L3MBTL4: variants seen among roughly 807,000 people sequenced by gnomAD.
L3MBTL4 encodes lethal(3)malignant brain tumor-like protein 4.
Under a neutral mutation model 84.5 loss-of-function variants are expected in L3MBTL4, and 70 were observed. That is an observed-to-expected ratio of 0.83 (90% CI 0.68 to 1.01). The LOEUF is 1.01. Ranked by LOEUF, L3MBTL4 falls within the 50% of genes least tolerant of loss-of-function variation. L3MBTL4 has a pLI of 0.00. For missense variants in L3MBTL4, 715 were observed against 754.8 expected, an observed-to-expected ratio of 0.95 and a Z score of 0.62; for synonymous variants, 274 against 259.8, an observed-to-expected ratio of 1.05 and a Z score of -0.52.
chr18:5,972,551 G>A (rs2052689208), intron 16 of L3MBTL4, among the ~76,000 whole-genome samples: 1 of 152,168 alleles, frequency 6.6e-6, no homozygotes, highest in Non-Finnish European at 1.5e-5. Context: ...GATTGAGAAA[G>A]GGAAGCGGCC....
At chr18:5,964,006 G>C (rs1804369942) in intron 17 of L3MBTL4, among the ~76,000 whole-genome samples, 1 of 152,214 alleles carries the variant, frequency 6.6e-6, no homozygotes, top group Admixed American at 6.5e-5. Context: ...CCAGTGGGTG[G>C]CCTGGGCCTT....
chr18:6,276,252 G>T (rs2049072990), intron 4 of L3MBTL4, among the ~76,000 whole-genome samples: 1 of 152,130 alleles, frequency 6.6e-6, no homozygotes, highest in Non-Finnish European at 1.5e-5. Flanking sequence ...AAATGAAGCT[G>T]TGCCTGGACC....
chr18:6,370,105 G>A (rs909864443), intron 1 of L3MBTL4, among the ~76,000 whole-genome samples: 3 of 140,884 alleles, frequency 2.1e-5, no homozygotes, highest in African/African-American at 8.1e-5. Flanking sequence ...CTGCACTCCA[G>A]CCTGTGTGAC....
At chr18:6,355,344 A>T (rs958786047) in intron 1 of L3MBTL4, among the ~76,000 whole-genome samples, 10 of 152,188 alleles carry the variant, frequency 6.6e-5, no homozygotes, top group South Asian at 6.2e-4. Flanking sequence ...AAATAAAAAA[A>T]TTTTTAAGAT....
At position 6,022,553 on chromosome 18, in the gene L3MBTL4, T is replaced by A. The variant is rs186317613; in HGVS notation, c.1445-52991A>T. On this transcript the variant is annotated intron_variant, in intron 16 of 18. Transcript: ENST00000317931. The stretch of plus-strand genomic sequence containing the variant: ...CTCTAATTTAGCACTGCTCAAAAGG[T>A]CTTTAAAAATGAGTCTTACAGTAGC... Among the ~76,000 whole-genome samples the A allele has an allele frequency of 5.3e-5, 8 of 152,318 alleles. No homozygotes were observed. In the East Asian group the frequency reaches 1.3e-3, roughly 26 times the overall value.
intron 12 of L3MBTL4, among the ~76,000 whole-genome samples, chr18:6,180,904 G>A (rs1055461257): frequency 1.3e-5 from 2 of 152,198 alleles, no homozygotes; most frequent in Non-Finnish European, 2.9e-5. Flanking sequence ...CTGATGAATG[G>A]GTATGTGGTA....
chr18:5,965,356 G>A (rs1406800314), intron 17 of L3MBTL4, among the ~76,000 whole-genome samples: 1 of 152,230 alleles, frequency 6.6e-6, no homozygotes, highest in African/African-American at 2.4e-5. Context: ...CAGGAAGGCA[G>A]ATAAAGAGGC....
intron 16 of L3MBTL4, among the ~76,000 whole-genome samples, chr18:6,054,071 T>C (rs2056928788): frequency 6.6e-6 from 1 of 152,188 alleles, no homozygotes; most frequent in Non-Finnish European, 1.5e-5. Flanking sequence ...ATAGAGGCTC[T>C]CAATGCTTTT....
chr18:6,357,673 CTT>C (rs759209745), intron 1 of L3MBTL4, among the ~76,000 whole-genome samples: 34 of 151,920 alleles, frequency 2.2e-4, no homozygotes, highest in Non-Finnish European at 3.8e-4. Flanking sequence ...ACCATCAAGA[CTT>C]TTGAAAAAAA....
At chr18:6,411,897 T>C (rs1330455209) in intron 1 of L3MBTL4, among the ~76,000 whole-genome samples, 1 of 152,204 alleles carries the variant, frequency 6.6e-6, no homozygotes, top group Non-Finnish European at 1.5e-5. Context: ...CGCAAAATCA[T>C]TTTGCTTTTA....
chr18:6,344,728 A>C (rs1241894881), intron 1 of L3MBTL4, among the ~76,000 whole-genome samples: 1 of 149,420 alleles, frequency 6.7e-6, no homozygotes, highest in Admixed American at 6.6e-5. Flanking sequence ...ATGGTTCAAC[A>C]TATCAAAATC....
chr18:6,385,703 T>A (rs1011019204), intron 1 of L3MBTL4, among the ~76,000 whole-genome samples: 7 of 152,228 alleles, frequency 4.6e-5, no homozygotes, highest in South Asian at 2.1e-4. Context: ...TAATTCTTTA[T>A]CCTCTTGAAG....
chr18:6,166,419 T>C (rs1377126257), intron 13 of L3MBTL4, among the ~76,000 whole-genome samples: 1 of 152,124 alleles, frequency 6.6e-6, no homozygotes, highest in Non-Finnish European at 1.5e-5. Context: ...ATTGACCACA[T>C]AGTTGGAAGT....
chr18:6,260,160 T>C (rs2048334498), intron 5 of L3MBTL4: 1 of 152,216 alleles, frequency 6.6e-6, no homozygotes. Flanking sequence ...TATGTGTTTT[T>C]GTACCAGTAC....
intron 1 of L3MBTL4, among the ~76,000 whole-genome samples, chr18:6,328,612 T>C (rs940814664): frequency 3.3e-5 from 5 of 152,224 alleles, no homozygotes; most frequent in Non-Finnish European, 4.4e-5. Flanking sequence ...AATCAAACTA[T>C]TTTGTTGCTA....
intron 14 of L3MBTL4, among the ~76,000 whole-genome samples, chr18:6,135,951 G>A (rs1046840470): frequency 1.3e-5 from 2 of 152,152 alleles, no homozygotes; most frequent in African/African-American, 4.8e-5. Context: ...AAGAAAAAGA[G>A]GTTTAATTGG....
rs1157084810 is a variant in L3MBTL4 at position 5,956,399 on chromosome 18, T to A, written c.1678-12A>T. 2 of 1,612,142 alleles carry A rather than the reference T, an allele frequency of 1.2e-6. No homozygotes were observed. Among genetic ancestry groups the A allele is most frequent in the Non-Finnish European group, 1.7e-6 (2 of 1,179,248 alleles). On this transcript the variant is annotated splice_polypyrimidine_tract_variant and intron_variant, in intron 18 of 18. Transcript: ENST00000317931. ...TTGCCATCGATCTGCTGCAAATACA[T>A]AAATAGACACAAATAAAAATGTTTT...
chr18:6,175,478 C>T lies in L3MBTL4; in HGVS notation c.982-3536G>A, dbSNP rs186098187. Among the ~76,000 whole-genome samples the T allele has an allele frequency of 2.4e-3, 361 of 152,196 alleles. 2 individuals carry two copies. Among genetic ancestry groups the T allele is most frequent in the East Asian group, 6.7e-3 (35 of 5,190 alleles). Reference sequence around the variant, plus strand: ...GCTAAGTGATGCCAGATGAAAACTACGATCTACATGAAGAGTACTAGCAAC... The same window carrying T: ...GCTAAGTGATGCCAGATGAAAACTATGATCTACATGAAGAGTACTAGCAAC... On this transcript the variant is annotated intron_variant, in intron 12 of 18. Coordinates refer to ENST00000317931, the MANE Select transcript of L3MBTL4 (RefSeq NM_001330559.2).
intron 16 of L3MBTL4, among the ~76,000 whole-genome samples, chr18:6,070,440 C>T (rs983212866): frequency 8.6e-5 from 13 of 150,762 alleles, no homozygotes; most frequent in Non-Finnish European, 1.8e-4. Context: ...ATCTAGAATT[C>T]TATAACCTGT....
Sources: allele counts gnomAD v4.1 joint callset (sites outside exome capture counted in the v4.1 genomes callset), GRCh38; gene constraint gnomAD v4.1.1; transcripts MANE v1.5; gene names NCBI Gene and HGNC (gene_info 2026-07-23, HGNC 2026-07-21).